Variants in OR51E2 observed in about 807,000 individuals in gnomAD.
The protein encoded by OR51E2 is olfactory receptor 51E2.
In OR51E2, 14 loss-of-function variants were observed where a neutral mutation model predicts 13.7. That is an observed-to-expected ratio of 1.02 (90% CI 0.68 to 1.60). OR51E2 has a LOEUF of 1.60. Among genes scored for constraint, OR51E2 ranks in the 40% most tolerant of loss-of-function variants. OR51E2 has a pLI of 0.00. For synonymous variants in OR51E2, 180 were observed against 157.6 expected, an observed-to-expected ratio of 1.14 and a Z score of -1.07; for missense variants, 483 against 413.8, an observed-to-expected ratio of 1.17 and a Z score of -1.45.
chr11:4,682,048 G>T lies in OR51E2; in HGVS notation c.664C>A (p.Arg222=), dbSNP rs769497679. ...TTGGAAGGCAGTTGCAGAACCGTTC[G>T]TATTATCAGAAAATAGGACAAGGAG... ...FISLSYFLII[R]TVLQLPSKSE... is the part of the protein sequence containing the mutation. The change falls in exon 2 of 2, where the codon CGA becomes AGA. Residue 222 remains arginine, a synonymous_variant. Transcript: ENST00000396950. 1 of 1,614,104 alleles carries T rather than the reference G, an allele frequency of 6.2e-7. No individual in the cohort carries two copies. Among genetic ancestry groups the T allele is most frequent in the African/African-American group, 1.3e-5 (1 of 74,930 alleles).
intron 1 of OR51E2, among the ~76,000 whole-genome samples, chr11:4,684,497 A>G (rs368995609): frequency 3.2e-4 from 48 of 152,282 alleles, no homozygotes; most frequent in African/African-American, 1.1e-3. Context: ...ACTGTGTTCC[A>G]GAGAAATGGG....
At chr11:4,692,927 A>T (rs1395905942) in intron 1 of OR51E2, among the ~76,000 whole-genome samples, 1 of 152,134 alleles carries the variant, frequency 6.6e-6, no homozygotes, top group East Asian at 1.9e-4. Context: ...GAAATTATAG[A>T]TTACACGATT....
chr11:4,697,379 A>G (rs1273399188), intron 1 of OR51E2, among the ~76,000 whole-genome samples: 1 of 152,232 alleles, frequency 6.6e-6, no homozygotes, highest in African/African-American at 2.4e-5. Flanking sequence ...TGGGCATAGA[A>G]ATGAGATTCA....
chr11:4,696,121 G>A (rs1189749090), intron 1 of OR51E2, among the ~76,000 whole-genome samples: 1 of 152,154 alleles, frequency 6.6e-6, no homozygotes, highest in East Asian at 1.9e-4. Context: ...ATAATTGACA[G>A]CATTTTGGAG....
chr11:4,682,697 G>A lies in OR51E2; in HGVS notation c.15C>T (p.Asn5=), dbSNP rs1047583701. Residue 5 remains asparagine (N), a synonymous_variant, in exon 2 of 2, where the codon AAC becomes AAT. Coordinates refer to ENST00000396950, the MANE Select transcript of OR51E2 (RefSeq NM_030774.4). MSSC[N]FTHATFVLIG... is the part of the protein sequence containing the mutation. Reference sequence around the variant, plus strand: ...TAAGCACAAAGGTGGCATGTGTGAAGTTGCAGGAACTCATAGCTGGAACTG... The same window carrying A: ...TAAGCACAAAGGTGGCATGTGTGAAATTGCAGGAACTCATAGCTGGAACTG... 9.9e-6 allele frequency: 16 copies of A among 1,613,528 alleles called. No homozygotes were observed. The highest frequency in any genetic ancestry group is 1.3e-5 in the Non-Finnish European group (15 of 1,179,634).
chr11:4,694,334 A>G (rs1309539422), intron 1 of OR51E2, among the ~76,000 whole-genome samples: 1 of 151,864 alleles, frequency 6.6e-6, no homozygotes, highest in Non-Finnish European at 1.5e-5. Flanking sequence ...TCACTTTACA[A>G]GCATATCTTC....
chr11:4,681,566 A>C lies in OR51E2; in HGVS notation c.*183T>G, dbSNP rs541680099. 2 of 621,912 alleles carry C rather than the reference A, an allele frequency of 3.2e-6. No individual in the cohort carries two copies. Among genetic ancestry groups the C allele is most frequent in the East Asian group, 2.8e-5 (1 of 36,188 alleles). 38.5% of individuals were successfully genotyped at this position (621,912 alleles called of 1,614,324 possible). ...TTTTATTGTAGTCTTTAAATCATGT[A>C]ATACTTCATTAGTATGTATTATTCC... is the stretch of plus-strand genomic sequence containing the variant. On this transcript the variant is annotated 3_prime_UTR_variant, in exon 2 of 2. Transcript: ENST00000396950.
intron 1 of OR51E2, among the ~76,000 whole-genome samples, chr11:4,687,009 C>T (rs1847523938): frequency 6.6e-6 from 1 of 152,138 alleles, no homozygotes; most frequent in African/African-American, 2.4e-5. Flanking sequence ...TTGACATTCC[C>T]TTTTCTCCTT....
At chr11:4,696,367 A>G (rs562466659) in intron 1 of OR51E2, among the ~76,000 whole-genome samples, 13 of 152,122 alleles carry the variant, frequency 8.5e-5, no homozygotes, top group African/African-American at 3.1e-4. Flanking sequence ...ACACACACAC[A>G]TGTGTGCACA....
chr11:4,682,571 G>C lies in OR51E2; in HGVS notation c.141C>G (p.Ile47Met), dbSNP rs752110405. 17 of 1,613,998 alleles carry C rather than the reference G, an allele frequency of 1.1e-5. No homozygotes were observed. The highest frequency in any genetic ancestry group is 1.4e-5 in the Non-Finnish European group (17 of 1,180,020). The change falls in exon 2 of 2, where the codon ATC becomes ATG. Residue 47 changes from isoleucine (I) to methionine (M), a missense_variant. Ile to Met is a conservative substitution (Grantham distance 10). Transcript: ENST00000396950. Reference protein sequence around the residue: ...AMFGNCIVVFIVRTERSLHAP... With the variant: ...AMFGNCIVVFMVRTERSLHAP... The stretch of plus-strand genomic sequence containing the variant: ...CGTGCAGGCTGCGTTCCGTCCTTAC[G>C]ATGAAGACCACGATGCAGTTTCCAA...
intron 1 of OR51E2, among the ~76,000 whole-genome samples, chr11:4,692,413 C>T (rs1482758333): frequency 6.6e-6 from 1 of 152,194 alleles, no homozygotes; most frequent in East Asian, 1.9e-4. Context: ...TGCCACGTTC[C>T]AACACAGTTC....
Position 4,681,893 on chromosome 11 carries a change from A to G in OR51E2, c.819T>C (p.Val273=). The G allele has an allele frequency of 6.2e-7, 1 of 1,614,206 alleles. No individual in the cohort carries two copies. The highest frequency in any genetic ancestry group is 8.5e-7 in the Non-Finnish European group (1 of 1,180,032). ...FGNSLHPIVR[V]VMGDIYLLLP... ...GCAGCAGGTAGATGTCACCCATGAC[A>G]ACACGCACAATGGGATGAAGGCTGT... Residue 273 remains valine (V), a synonymous_variant, in exon 2 of 2, where the codon GTT becomes GTC. Transcript: ENST00000396950.
intron 1 of OR51E2, among the ~76,000 whole-genome samples, chr11:4,693,078 C>CA (rs1453828001): frequency 2.0e-5 from 3 of 151,574 alleles, no homozygotes; most frequent in African/African-American, 7.3e-5. Flanking sequence ...TAGTATATTT[C>CA]AAAAAAACTA....
At chr11:4,692,190 A>C (rs1396210033) in intron 1 of OR51E2, 1 of 452,226 alleles carries the variant, frequency 2.2e-6, no homozygotes, top group Non-Finnish European at 4.4e-6. Flanking sequence ...AGAAGCTTAC[A>C]GACAATTTGG....
At position 4,682,425 on chromosome 11, in the gene OR51E2, C is replaced by G. The variant is rs1010417848; in HGVS notation, c.287G>C (p.Cys96Ser). 8.1e-6 allele frequency: 13 copies of G among 1,614,052 alleles called. No homozygotes were observed. Among genetic ancestry groups the G allele is most frequent in the East Asian group, 4.5e-5 (2 of 44,886 alleles). ...ATGAATAAAGAACATCTGGGTAAGA[C>G]AGGCCTCAAAGCTAATCTCTCGGGA... ...FDSREISFEACLTQMFFIHAL... is the reference protein window; with the variant it reads ...FDSREISFEASLTQMFFIHAL... Residue 96 changes from cysteine (C) to serine (S), a missense_variant, in exon 2 of 2, where the codon TGT (cysteine) becomes TCT (serine). Physicochemically the swap from Cys to Ser is moderately radical, Grantham distance 112. Transcript: ENST00000396950.
At chr11:4,691,304 C>T in intron 1 of OR51E2, 1 of 457,372 alleles carries the variant, frequency 2.2e-6, no homozygotes, top group Non-Finnish European at 4.4e-6. Flanking sequence ...TCATGGCATA[C>T]CTAAGGGGAT....
chr11:4,693,640 G>A (rs1404893399), intron 1 of OR51E2, among the ~76,000 whole-genome samples: 2 of 152,094 alleles, frequency 1.3e-5, no homozygotes, highest in Admixed American at 6.5e-5. Context: ...AGAATGGAGT[G>A]AACCTGGAAG....
chr11:4,690,723 T>C (rs1202147686), intron 1 of OR51E2: 5 of 369,886 alleles, frequency 1.4e-5, no homozygotes, highest in Non-Finnish European at 2.6e-5. Flanking sequence ...GTATACCATC[T>C]TGAGGGGTCC....
chr11:4,682,093 C>T lies in OR51E2; in HGVS notation c.619G>A (p.Gly207Ser), dbSNP rs1311046249. The stretch of plus-strand genomic sequence containing the variant: ...AAGGAGATGAACATTACGTCCACGC[C>T]CATGACCAGCAGAATGGCAGTAAGA... ...YGLTAILLVMGVDVMFISLSY... is the reference protein window; with the variant it reads ...YGLTAILLVMSVDVMFISLSY... The change falls in exon 2 of 2, where the codon GGC becomes AGC. Residue 207 changes from glycine (G) to serine (S), a missense_variant. Coordinates refer to ENST00000396950, the MANE Select transcript of OR51E2 (RefSeq NM_030774.4). 6.2e-7 allele frequency: 1 copy of T among 1,614,076 alleles called. No homozygotes were observed. The highest frequency in any genetic ancestry group is 8.5e-7 in the Non-Finnish European group (1 of 1,180,046).
Sources: allele counts gnomAD v4.1 joint callset (sites outside exome capture counted in the v4.1 genomes callset), GRCh38; gene constraint gnomAD v4.1.1; transcripts MANE v1.5; gene names NCBI Gene and HGNC (gene_info 2026-07-23, HGNC 2026-07-21).